Variants in CTNNA2 observed in about 807,000 individuals in gnomAD.
CTNNA2 encodes catenin alpha-2.
A neutral mutation model predicts 101.0 loss-of-function variants in CTNNA2; 42 were observed. That is an observed-to-expected ratio of 0.42 (90% confidence interval 0.32 to 0.54). The LOEUF is 0.54. CTNNA2 is among the 20% of genes least tolerant of loss of function. CTNNA2 has a pLI of 0.14. For missense variants in CTNNA2, 871 were observed against 1,223.1 expected (o/e 0.71, Z 4.29); for synonymous variants, 450 against 456.4 (o/e 0.99, Z 0.18).
intron 7 of CTNNA2, among the ~76,000 whole-genome samples, chr2:80,195,214 G>A (rs1706756111): frequency 6.6e-6 from 1 of 152,098 alleles, no homozygotes; most frequent in Admixed American, 6.6e-5. Flanking sequence ...CCGTATGCCT[G>A]CCTCTTTTCT....
chr2:80,238,735 G>A (rs919738457), intron 7 of CTNNA2, among the ~76,000 whole-genome samples: 2 of 152,168 alleles, frequency 1.3e-5, no homozygotes, highest in Non-Finnish European at 2.9e-5. Context: ...TGGAATGGGG[G>A]AAGGGACATA....
chr2:79,795,809 C>A (rs1487480334), intron 3 of CTNNA2, among the ~76,000 whole-genome samples: 2 of 152,190 alleles, frequency 1.3e-5, no homozygotes, highest in Non-Finnish European at 2.9e-5. Context: ...AAATGCATTT[C>A]CATGCAAGAA....
At chr2:79,501,891 G>A (rs905386882) in intron 4 of CTNNA2, among the ~76,000 whole-genome samples, 2 of 151,764 alleles carry the variant, frequency 1.3e-5, no homozygotes, top group African/African-American at 4.8e-5. Flanking sequence ...TGAATCCGAC[G>A]ACCCTGAACC....
At chr2:79,267,974 A>G (rs2104294906) in intron 2 of CTNNA2, among the ~76,000 whole-genome samples, 1 of 152,254 alleles carries the variant, frequency 6.6e-6, no homozygotes, top group South Asian at 2.1e-4. Flanking sequence ...GGCAGAATTC[A>G]CTTATTATCA....
intron 6 of CTNNA2, among the ~76,000 whole-genome samples, chr2:79,908,719 G>A (rs537086441): frequency 1.4e-4 from 21 of 152,104 alleles, no homozygotes; most frequent in African/African-American, 4.3e-4. Flanking sequence ...GGTCTTCTCT[G>A]GCCTGCTCTT....
At position 79,465,088 on chromosome 2, in the gene CTNNA2, G is replaced by C. The variant is rs1370781553; in HGVS notation, c.-134-39966G>C. ...CTATGTCCTGAATGGTATTGCCTAG[G>C]TTTTCTTCTAGGGTTTTTATGGTTT... is the stretch of plus-strand genomic sequence containing the variant. On this transcript the variant is annotated intron_variant, in intron 4 of 21. Coordinates refer to the CTNNA2 transcript ENST00000466387. Among the ~76,000 whole-genome samples the C allele has an allele frequency of 2.0e-5, 3 of 152,104 alleles. No individual in the cohort carries two copies. In the East Asian group the frequency reaches 5.8e-4, roughly 29 times the overall value.
At chr2:79,653,710 G>T (rs1681416969) in intron 2 of CTNNA2, among the ~76,000 whole-genome samples, 1 of 152,024 alleles carries the variant, frequency 6.6e-6, no homozygotes, top group African/African-American at 2.4e-5. Context: ...TCAAGTCCTG[G>T]TTTCTTTTGG....
At chr2:80,033,883 A>G (rs1431206530) in intron 7 of CTNNA2, among the ~76,000 whole-genome samples, 1 of 151,608 alleles carries the variant, frequency 6.6e-6, no homozygotes, top group Non-Finnish European at 1.5e-5. Flanking sequence ...AAATTGTAGC[A>G]GTCTGCAACA....
chr2:80,183,183 C>G (rs373461285), intron 7 of CTNNA2, among the ~76,000 whole-genome samples: 1 of 152,070 alleles, frequency 6.6e-6, no homozygotes, highest in Non-Finnish European at 1.5e-5. Flanking sequence ...AAATACCAAC[C>G]TCTCCCTCAC....
chr2:80,018,134 C>A (rs1278843732), intron 7 of CTNNA2, among the ~76,000 whole-genome samples: 1 of 152,114 alleles, frequency 6.6e-6, no homozygotes. Flanking sequence ...CAGAATTCGG[C>A]TTCATAAATT....
At chr2:79,289,451 G>T (rs1573038368) in intron 2 of CTNNA2, among the ~76,000 whole-genome samples, 1 of 151,890 alleles carries the variant, frequency 6.6e-6, no homozygotes, top group African/African-American at 2.4e-5. Flanking sequence ...GTGGGCTAAT[G>T]AGTCGGGTTG....
chr2:79,902,715 C>T (rs977658971), intron 6 of CTNNA2, among the ~76,000 whole-genome samples: 13 of 151,922 alleles, frequency 8.6e-5, no homozygotes, highest in Non-Finnish European at 1.5e-4. Context: ...CAACTTCTGC[C>T]TCCCAGGTTC....
chr2:79,537,713 A>G (rs1156407089), intron 1 of CTNNA2, among the ~76,000 whole-genome samples: 1 of 152,122 alleles, frequency 6.6e-6, no homozygotes, highest in Non-Finnish European at 1.5e-5. Flanking sequence ...TTTTACCTTT[A>G]GACCATAAAT....
intron 7 of CTNNA2, among the ~76,000 whole-genome samples, chr2:80,332,943 G>T (rs1269986287): frequency 6.6e-6 from 1 of 151,982 alleles, no homozygotes; most frequent in Non-Finnish European, 1.5e-5. Flanking sequence ...ACCAAAAGAA[G>T]AATAATATTT....
chr2:79,578,394 A>G (rs1675930358), intron 1 of CTNNA2, among the ~76,000 whole-genome samples: 1 of 152,156 alleles, frequency 6.6e-6, no homozygotes, highest in Non-Finnish European at 1.5e-5. Flanking sequence ...GTGAATTAAT[A>G]ATTATTTTAA....
intron 7 of CTNNA2, among the ~76,000 whole-genome samples, chr2:80,352,336 T>G (rs965804862): frequency 1.3e-5 from 2 of 152,172 alleles, no homozygotes; most frequent in African/African-American, 4.8e-5. Flanking sequence ...GCCATTTTTT[T>G]TATTGCCTGA....
chr2:79,881,826 T>C (rs1209745615), intron 6 of CTNNA2, among the ~76,000 whole-genome samples: 1 of 150,344 alleles, frequency 6.7e-6, no homozygotes, highest in Non-Finnish European at 1.5e-5. Context: ...AGTATTGTTA[T>C]GTGTGAATCT....
intron 4 of CTNNA2, among the ~76,000 whole-genome samples, chr2:79,460,732 C>T (rs569928545): frequency 2.0e-5 from 3 of 152,188 alleles, no homozygotes; most frequent in Non-Finnish European, 2.9e-5. Flanking sequence ...CACATGATCA[C>T]CCCCTTAGAC....
chr2:79,349,591 A>G (rs1220039371), intron 3 of CTNNA2, among the ~76,000 whole-genome samples: 2 of 152,220 alleles, frequency 1.3e-5, no homozygotes, highest in African/African-American at 4.8e-5. Context: ...TATAGATTAG[A>G]TACACCTATA....
Sources: gnomAD v4.1 joint callset for allele counts (sites outside exome capture counted in the v4.1 genomes callset) on GRCh38, gnomAD v4.1.1 for gene constraint, MANE v1.5 for transcripts, NCBI Gene and HGNC (gene_info 2026-07-23, HGNC 2026-07-21) for gene names.